Variants in ABHD2 observed in about 807,000 individuals in gnomAD.
The protein encoded by ABHD2 is abhydrolase domain containing 2, acylglycerol lipase, also known as monoacylglycerol lipase ABHD2.
In ABHD2, 20 loss-of-function variants were observed where a neutral mutation model predicts 48.1. The observed-to-expected ratio is 0.42, with a 90% CI of 0.29 to 0.60. ABHD2 has a LOEUF of 0.60. Ranked by LOEUF, ABHD2 falls within the 20% of genes least tolerant of loss-of-function variation. The probability of loss-of-function intolerance (pLI) is 0.24; values close to 1 mark genes in which losing one functional copy is unlikely to be tolerated. For synonymous variants in ABHD2, 209 were observed against 214.2 expected, an observed-to-expected ratio of 0.98 and a Z score of 0.21; for missense variants, 405 against 550.9, an observed-to-expected ratio of 0.74 and a Z score of 2.65.
In ABHD2 at chr15:89,116,608, G is replaced by C; in HGVS notation, c.194+87G>C. The C allele has an allele frequency of 7.1e-7, 1 of 1,408,210 alleles. No individual in the cohort carries two copies. Among genetic ancestry groups the C allele is most frequent in the Non-Finnish European group, 9.7e-7 (1 of 1,031,456 alleles). 87.2% of individuals were successfully genotyped at this position (1,408,210 alleles called of 1,614,324 possible). Reference sequence around the variant, plus strand: ...TCAAAGAAGAAACTTCTCTCATCGTGTCCTTAAGGCATCAATGGGATATGA... The same window carrying C: ...TCAAAGAAGAAACTTCTCTCATCGTCTCCTTAAGGCATCAATGGGATATGA... On this transcript the variant is annotated intron_variant, in intron 3 of 10. Coordinates refer to ENST00000352732, the MANE Select transcript of ABHD2 (RefSeq NM_152924.5). This position sits in a 1 kb window ranked among gnomAD's most constrained non-coding sequence, Gnocchi z 4.6.
intron 3 of ABHD2, among the ~76,000 whole-genome samples, chr15:89,147,535 A>G (rs2050514732): frequency 6.6e-6 from 1 of 150,978 alleles, no homozygotes; most frequent in African/African-American, 2.4e-5. Flanking sequence ...TTGTATTTTC[A>G]GTAGAGACGG....
chr15:89,058,402 A>G, the ABHD2 span, among the ~76,000 whole-genome samples: 798 of 152,296 alleles, frequency 5.2e-3, 11 homozygotes, highest in African/African-American at 0.017. Flanking sequence ...TTGGGAAGAG[A>G]GACCTAGAGA....
In ABHD2 at chr15:89,151,576, T is replaced by C; in HGVS notation, c.195-101T>C. ...ATGTTTATGCTTTGTGTGCAGAATT[T>C]CCCTGGAACAAAAATAGGTTGAAAG... On this transcript the variant is annotated intron_variant, in intron 3 of 10. Coordinates refer to ENST00000352732, the MANE Select transcript of ABHD2 (RefSeq NM_152924.5). The surrounding 1 kb of genome is among the most constrained non-coding windows in gnomAD (Gnocchi z 4.7). 7.5e-7 allele frequency: 1 copy of C among 1,336,664 alleles called. No individual in the cohort carries two copies. The highest frequency in any genetic ancestry group is 1.0e-6 in the Non-Finnish European group (1 of 970,126). The allele number at this position is 1,336,664 out of a possible 1,614,324, so 82.8% of individuals were successfully genotyped here. A position where few individuals can be genotyped will look rare whatever the true frequency, so the allele number is the denominator to read the frequency against.
At position 89,200,815 on chromosome 15, in the gene ABHD2, G is replaced by C. The variant is rs989008734; in HGVS notation, c.*5392G>C. ...AATCCAATGAAGGCCGGGCATAGTG[G>C]CTCACTCCTGTAATCCCAGCACTTT... On this transcript the variant is annotated 3_prime_UTR_variant, in exon 11 of 11. Transcript: ENST00000352732. 2 of 274,542 alleles carry C rather than the reference G, an allele frequency of 7.3e-6. No individual in the cohort carries two copies. The highest frequency in any genetic ancestry group is 3.9e-5 in the Admixed American group (1 of 25,874). 17.0% of individuals were successfully genotyped at this position (274,542 alleles called of 1,614,324 possible). A position where few individuals can be genotyped will look rare whatever the true frequency, so the allele number is the denominator to read the frequency against.
intron 3 of ABHD2, among the ~76,000 whole-genome samples, chr15:89,134,484 G>T (rs2050271250): frequency 1.3e-5 from 2 of 151,932 alleles, no homozygotes; most frequent in African/African-American, 4.8e-5. Flanking sequence ...TTTGTGTTCT[G>T]TTGATGGTCC....
In ABHD2 at chr15:89,177,844, C is replaced by T. The variant is rs535123711; in HGVS notation, c.722+1849C>T. Among the ~76,000 whole-genome samples, 28 of 152,244 alleles carry T rather than the reference C, an allele frequency of 1.8e-4. No individual in the cohort carries two copies. The highest frequency in any genetic ancestry group is 6.0e-4 in the African/African-American group (25 of 41,548). On this transcript the variant is annotated intron_variant, in intron 6 of 10. Transcript: ENST00000352732. This position sits in a 1 kb window ranked among gnomAD's most constrained non-coding sequence, Gnocchi z 5.6. Reference sequence around the variant, plus strand: ...AGGATCCAAGGGAGCAGAACTAGGACGTTTGTTTTGTTTTCTTTTTTTTCA... The same window carrying T: ...AGGATCCAAGGGAGCAGAACTAGGATGTTTGTTTTGTTTTCTTTTTTTTCA...
Position 89,132,411 on chromosome 15 carries a change from A to G in ABHD2, c.194+15890A>G, listed in dbSNP as rs557296172. Among the ~76,000 whole-genome samples, 6 of 152,372 alleles carry G rather than the reference A, an allele frequency of 3.9e-5. No homozygotes were observed. In the South Asian group the frequency reaches 1.2e-3, roughly 32 times the overall value. On this transcript the variant is annotated intron_variant, in intron 3 of 10. Coordinates refer to ENST00000352732, the MANE Select transcript of ABHD2 (RefSeq NM_152924.5). Reference sequence around the variant, plus strand: ...TTTATGCAGACGTTCAGAACTTAGCATACTAATTATCTATAAAAATAGAGA... The same window carrying G: ...TTTATGCAGACGTTCAGAACTTAGCGTACTAATTATCTATAAAAATAGAGA...
the ABHD2 span, among the ~76,000 whole-genome samples, chr15:89,051,388 G>A: frequency 6.6e-6 from 1 of 152,072 alleles, no homozygotes; most frequent in Non-Finnish European, 1.5e-5. Context: ...TTTGTAAGAG[G>A]GTGAAGACTC....
chr15:89,057,094 T>C, the ABHD2 span, among the ~76,000 whole-genome samples: 144 of 152,112 alleles, frequency 9.5e-4, 2 homozygotes, highest in African/African-American at 3.3e-3. Context: ...TTTGTATTTT[T>C]AGTAGAAATG....
At chr15:89,055,203 CT>C in the ABHD2 span, among the ~76,000 whole-genome samples, 10 of 151,584 alleles carry the variant, frequency 6.6e-5, no homozygotes, top group East Asian at 7.7e-4. Context: ...GTCCAAAAAA[CT>C]TTTTTTTTAA....
At chr15:89,099,398 G>T (rs1427192638) in intron 1 of ABHD2, among the ~76,000 whole-genome samples, 1 of 151,422 alleles carries the variant, frequency 6.6e-6, no homozygotes, top group African/African-American at 2.4e-5. Flanking sequence ...CCAGTAGTTG[G>T]AGACCAGCCT....
chr15:89,138,997 C>T (rs967065922), intron 3 of ABHD2, among the ~76,000 whole-genome samples: 1 of 149,434 alleles, frequency 6.7e-6, no homozygotes, highest in African/African-American at 2.6e-5. Context: ...GGGAGGATTG[C>T]TTGAGCCCGG....
At chr15:89,132,320 C>A (rs1322954989) in intron 3 of ABHD2, among the ~76,000 whole-genome samples, 1 of 152,146 alleles carries the variant, frequency 6.6e-6, no homozygotes, top group Non-Finnish European at 1.5e-5. Flanking sequence ...ATGTAACATG[C>A]CCATAGAAGG....
chr15:89,172,866 A>T (rs2050952379), intron 5 of ABHD2, among the ~76,000 whole-genome samples: 1 of 152,192 alleles, frequency 6.6e-6, no homozygotes, highest in South Asian at 2.1e-4. Context: ...TCCCATTCCC[A>T]GGCCTCATCC....
intron 3 of ABHD2, among the ~76,000 whole-genome samples, chr15:89,133,015 G>A (rs1012190367): frequency 2.0e-5 from 3 of 152,186 alleles, no homozygotes; most frequent in Non-Finnish European, 2.9e-5. Flanking sequence ...AAGCTCCAGG[G>A]CAGCTGCATC....
chr15:89,149,281 G>T (rs76987099), intron 3 of ABHD2, among the ~76,000 whole-genome samples: 23 of 152,160 alleles, frequency 1.5e-4, no homozygotes, highest in Non-Finnish European at 3.1e-4. Flanking sequence ...TGAGAATGGG[G>T]TGTTAGGTAG....
At chr15:89,128,434 A>C (rs2050169217) in intron 3 of ABHD2, among the ~76,000 whole-genome samples, 1 of 152,238 alleles carries the variant, frequency 6.6e-6, no homozygotes, top group Non-Finnish European at 1.5e-5. Flanking sequence ...CAGGATAAGA[A>C]GGTGGTAGAG....
At chr15:89,135,835 T>A in intron 3 of ABHD2, 1 of 755,066 alleles carries the variant, frequency 1.3e-6, no homozygotes, top group Admixed American at 1.8e-5. Flanking sequence ...TCCTTTGATA[T>A]TTGGGCGATA....
At chr15:89,069,049 A>G in the ABHD2 span, among the ~76,000 whole-genome samples, 2 of 151,468 alleles carry the variant, frequency 1.3e-5, no homozygotes, top group Non-Finnish European at 2.9e-5. Flanking sequence ...CTAGAACAGC[A>G]CATGGACAGA....
Sources: gnomAD v4.1 joint callset for allele counts (sites outside exome capture counted in the v4.1 genomes callset) on GRCh38, gnomAD v4.1.1 for gene constraint, Gnocchi (gnomAD v3.1) non-coding constraint, MANE v1.5 for transcripts, NCBI Gene and HGNC (gene_info 2026-07-23, HGNC 2026-07-21) for gene names.